Variants in MGAT5 observed in about 807,000 individuals in gnomAD.
The protein encoded by MGAT5 is alpha-1,6-mannosylglycoprotein 6-beta-N-acetylglucosaminyltransferase A.
MGAT5 carries 30 observed loss-of-function variants against 94.3 expected under a neutral mutation model. That is an observed-to-expected ratio of 0.32 (90% CI 0.24 to 0.43). The LOEUF (loss-of-function observed/expected upper bound fraction) is 0.43. MGAT5 is among the 20% of genes least tolerant of loss of function. MGAT5 has a pLI of 1.00. For missense variants in MGAT5, 691 were observed against 905.5 expected, an observed-to-expected ratio of 0.76 and a Z score of 3.04; for synonymous variants, 310 against 322.9, an observed-to-expected ratio of 0.96 and a Z score of 0.43.
chr2:134,352,261 G>A lies in MGAT5; in HGVS notation c.1246+2323G>A, dbSNP rs964787587. On this transcript the variant is annotated intron_variant, in intron 9 of 15. Transcript: ENST00000281923. ...TGTGGCATGTGCTCAAGGGCATTTAGTGCAGCACTAGTTGTAATAGGAAGC... is the reference window on the plus strand; with the variant it reads ...TGTGGCATGTGCTCAAGGGCATTTAATGCAGCACTAGTTGTAATAGGAAGC... Among the ~76,000 whole-genome samples, 7 of 152,178 alleles carry A rather than the reference G, an allele frequency of 4.6e-5. No homozygotes were observed. The South Asian group carries it at 6.2e-4, about 13-fold the overall frequency.
intron 1 of MGAT5, among the ~76,000 whole-genome samples, chr2:134,177,537 G>A (rs1235935092): frequency 6.6e-6 from 1 of 152,264 alleles, no homozygotes; most frequent in Non-Finnish European, 1.5e-5. Flanking sequence ...GCGGATTTCA[G>A]TGAGTAGCTG....
chr2:134,358,679 A>G (rs1302101798), intron 9 of MGAT5, among the ~76,000 whole-genome samples: 2 of 152,200 alleles, frequency 1.3e-5, no homozygotes, highest in East Asian at 1.9e-4. Context: ...GGTAGAAAAA[A>G]CAGACCTCAG....
chr2:134,409,239 T>A (rs1683511327), intron 11 of MGAT5, among the ~76,000 whole-genome samples: 1 of 152,220 alleles, frequency 6.6e-6, no homozygotes, highest in Non-Finnish European at 1.5e-5. Context: ...ATGTACTATC[T>A]CATGTAATCC....
intron 10 of MGAT5, among the ~76,000 whole-genome samples, chr2:134,376,571 C>T (rs1681187244): frequency 6.6e-6 from 1 of 152,160 alleles, no homozygotes; most frequent in Non-Finnish European, 1.5e-5. Flanking sequence ...ACTATTTGGA[C>T]CAGATACTCA....
At chr2:134,413,140 A>G in intron 12 of MGAT5, 125 bp downstream of exon 12, 2 of 1,084,686 alleles carry the variant, frequency 1.8e-6, no homozygotes, top group Non-Finnish European at 2.7e-6. Flanking sequence ...AGAGGCTCAG[A>G]GAGGCAAATG....
chr2:134,290,197 G>T (rs59892367), intron 2 of MGAT5, among the ~76,000 whole-genome samples: 4,397 of 152,282 alleles, frequency 0.029, 231 homozygotes, highest in African/African-American at 0.1. Context: ...TGAAACAGAT[G>T]ATTTTGAGAA....
chr2:134,160,017 T>TG (rs1687657407), intron 1 of MGAT5, among the ~76,000 whole-genome samples: 2 of 152,030 alleles, frequency 1.3e-5, no homozygotes, highest in Non-Finnish European at 2.9e-5. Flanking sequence ...CAGAGTCCTT[T>TG]GGGGAGAGAA....
chr2:134,288,724 C>T (rs998963109), intron 2 of MGAT5, among the ~76,000 whole-genome samples: 2 of 152,086 alleles, frequency 1.3e-5, no homozygotes, highest in South Asian at 2.1e-4. Context: ...GAGTGTAATA[C>T]CTCTGTCAGC....
Position 134,127,231 on chromosome 2 carries a change from G to C in MGAT5, c.-143+6940G>C, listed in dbSNP as rs180748811. 209 of 154,786 alleles carry C rather than the reference G, an allele frequency of 1.4e-3. 1 individual carries two copies. The highest frequency in any genetic ancestry group is 4.9e-3 in the African/African-American group (203 of 41,572). 9.6% of individuals were successfully genotyped at this position (154,786 alleles called of 1,614,324 possible). On this transcript the variant is annotated intron_variant, in intron 1 of 16. Transcript: ENST00000409645. ...CCTGTGTAAGACCTTTGCAAACACA[G>C]CTTCAAGCCCCTCTGTTCATCTTGA...
At chr2:134,397,513 G>A (rs928037642) in intron 10 of MGAT5, among the ~76,000 whole-genome samples, 1 of 152,118 alleles carries the variant, frequency 6.6e-6, no homozygotes, top group Non-Finnish European at 1.5e-5. Flanking sequence ...AAGGAGGTGG[G>A]TTTTATTCGC....
intron 2 of MGAT5, among the ~76,000 whole-genome samples, chr2:134,286,530 C>T (rs1333412625): frequency 6.6e-6 from 1 of 151,976 alleles, no homozygotes; most frequent in African/African-American, 2.4e-5. Context: ...CTCCTGGGTT[C>T]AAGCAGTTTT....
chr2:134,344,896 C>G, intron 7 of MGAT5, 34 bp from the exon 8 acceptor site: 1 of 1,601,720 alleles, frequency 6.2e-7, no homozygotes, highest in Non-Finnish European at 8.5e-7. Flanking sequence ...TGATTTTTCT[C>G]TTTTTTCTCC....
intron 2 of MGAT5, among the ~76,000 whole-genome samples, chr2:134,309,797 G>C (rs1398478906): frequency 6.6e-6 from 1 of 151,998 alleles, no homozygotes; most frequent in Non-Finnish European, 1.5e-5. Context: ...TCAGTCCTAG[G>C]TCCCCTTTTT....
upstream of MGAT5, among the ~76,000 whole-genome samples, chr2:134,249,570 A>G (rs1322284953): frequency 1.3e-5 from 2 of 152,218 alleles, no homozygotes; most frequent in African/African-American, 2.4e-5. Context: ...TATGTGTAGC[A>G]TAATCAGTTC....
intron 2 of MGAT5, among the ~76,000 whole-genome samples, chr2:134,289,547 C>G (rs1044586706): frequency 2.0e-5 from 3 of 152,192 alleles, no homozygotes; most frequent in Non-Finnish European, 4.4e-5. Flanking sequence ...ACATAGCTGT[C>G]TTTAGAAAGG....
intron 1 of MGAT5, among the ~76,000 whole-genome samples, chr2:134,255,676 CAGTGGTCTCACTGA>C (rs144200908): frequency 0.013 from 1,963 of 152,158 alleles, 20 homozygotes; most frequent in East Asian, 0.028. Flanking sequence ...ATTGAGGTTT[CAGTGGTCTCACTGA>C]AGTGGTCTCC....
At chr2:134,388,763 T>G in intron 10 of MGAT5, among the ~76,000 whole-genome samples, 1 of 89,576 alleles carries the variant, frequency 1.1e-5, no homozygotes. Context: ...GTTTGATTTT[T>G]TTGGGGGGTG....
At chr2:134,191,683 C>T (rs1010980490) in intron 1 of MGAT5, among the ~76,000 whole-genome samples, 4 of 149,522 alleles carry the variant, frequency 2.7e-5, no homozygotes, top group African/African-American at 9.9e-5. Flanking sequence ...CCTCCTCCTC[C>T]TCTTTCTCCT....
chr2:134,280,361 T>A (rs1176366950), intron 2 of MGAT5, among the ~76,000 whole-genome samples: 1 of 152,164 alleles, frequency 6.6e-6, no homozygotes, highest in Non-Finnish European at 1.5e-5. Context: ...ACGTGTGGGA[T>A]CACAAACCCC....
Sources: allele counts gnomAD v4.1 joint callset (sites outside exome capture counted in the v4.1 genomes callset), GRCh38; gene constraint gnomAD v4.1.1; transcripts MANE v1.5; gene names NCBI Gene and HGNC (gene_info 2026-07-23, HGNC 2026-07-21).